Variants in SLC39A10 observed in about 807,000 individuals in gnomAD.
SLC39A10 encodes zinc transporter ZIP10.
A neutral mutation model predicts 65.1 loss-of-function variants in SLC39A10; 13 were observed. The observed-to-expected ratio is 0.20, with a 90% CI of 0.13 to 0.32. The LOEUF is 0.32. Among genes scored for constraint, SLC39A10 ranks in the 10% least tolerant of loss-of-function variants. The probability of loss-of-function intolerance (pLI) is 1.00; values close to 1 mark genes in which losing one functional copy is unlikely to be tolerated. For synonymous variants in SLC39A10, 321 were observed against 342.2 expected, an observed-to-expected ratio of 0.94 and a Z score of 0.68; for missense variants, 831 against 1,018.4, an observed-to-expected ratio of 0.82 and a Z score of 2.50.
intron 1 of SLC39A10, among the ~76,000 whole-genome samples, chr2:195,678,356 C>T (rs1690172818): frequency 2.6e-5 from 4 of 152,074 alleles, no homozygotes; most frequent in Admixed American, 2.6e-4. Context: ...AATTTGGTTT[C>T]CTGAAGACTT....
At chr2:195,616,878 C>T (rs1688224730) in intron 2 of SLC39A10, among the ~76,000 whole-genome samples, 1 of 152,204 alleles carries the variant, frequency 6.6e-6, no homozygotes, top group African/African-American at 2.4e-5. Context: ...TCTAGGATTA[C>T]AGGCGGGAGC....
chr2:195,695,557 A>T (rs979901780), intron 3 of SLC39A10, among the ~76,000 whole-genome samples: 2 of 152,098 alleles, frequency 1.3e-5, no homozygotes, highest in Non-Finnish European at 2.9e-5. Flanking sequence ...AAGTGGACTC[A>T]CAGTTTTTTT....
chr2:195,720,420 A>T (rs930520181), intron 8 of SLC39A10, among the ~76,000 whole-genome samples: 1 of 152,238 alleles, frequency 6.6e-6, no homozygotes, highest in Non-Finnish European at 1.5e-5. Context: ...GGAAATGGAG[A>T]TGGCATTAAT....
At chr2:195,710,315 T>C (rs1691561801) in intron 5 of SLC39A10, among the ~76,000 whole-genome samples, 1 of 152,242 alleles carries the variant, frequency 6.6e-6, no homozygotes, top group Non-Finnish European at 1.5e-5. Context: ...ATCTTCAGTA[T>C]ATTCTGTTTA....
At chr2:195,717,823 G>C (rs1691875303) in intron 7 of SLC39A10, among the ~76,000 whole-genome samples, 1 of 152,104 alleles carries the variant, frequency 6.6e-6, no homozygotes, top group Non-Finnish European at 1.5e-5. Flanking sequence ...GTAATACTTT[G>C]TGCCATTTAT....
chr2:195,715,258 T>C (rs1574305307), intron 6 of SLC39A10, among the ~76,000 whole-genome samples: 1 of 151,960 alleles, frequency 6.6e-6, no homozygotes, highest in Non-Finnish European at 1.5e-5. Flanking sequence ...CTGGGTGCGG[T>C]GGCTCACGCC....
At chr2:195,684,638 T>C (rs567192141) in intron 3 of SLC39A10, among the ~76,000 whole-genome samples, 25 of 152,200 alleles carry the variant, frequency 1.6e-4, no homozygotes, top group Admixed American at 5.2e-4. Flanking sequence ...TTCCTTTTTT[T>C]CCCATTCTAT....
At chr2:195,614,459 T>G (rs948029697) in intron 2 of SLC39A10, among the ~76,000 whole-genome samples, 3 of 152,194 alleles carry the variant, frequency 2.0e-5, no homozygotes, top group Non-Finnish European at 4.4e-5. Flanking sequence ...TCCTGTACAT[T>G]TTGCTTAAGG....
chr2:195,658,780 C>T (rs1020892119), intron 1 of SLC39A10, among the ~76,000 whole-genome samples: 6 of 151,510 alleles, frequency 4.0e-5, no homozygotes, highest in African/African-American at 1.4e-4. Flanking sequence ...TCTGCAGACA[C>T]TGGTTACTCC....
Position 195,616,146 on chromosome 2 carries a change from G to T in SLC39A10, c.-12+9913G>T, listed in dbSNP as rs373638099. Among the ~76,000 whole-genome samples, 6 of 152,094 alleles carry T rather than the reference G, an allele frequency of 3.9e-5. No homozygotes were observed. The South Asian group carries it at 1.2e-3, about 32-fold the overall frequency. On this transcript the variant is annotated intron_variant, in intron 2 of 2. Coordinates refer to the SLC39A10 transcript ENST00000458054. The stretch of plus-strand genomic sequence containing the variant: ...ATTTTTGTATTTTCAGTAGAGACGG[G>T]TTTTCACCATGTTGGCCAGGTTGGC...
intron 8 of SLC39A10, among the ~76,000 whole-genome samples, chr2:195,723,220 A>G (rs1692113641): frequency 6.6e-6 from 1 of 152,176 alleles, no homozygotes; most frequent in Admixed American, 6.5e-5. Context: ...TGGTGTGGTA[A>G]TGGGTTAAAT....
upstream of SLC39A10, among the ~76,000 whole-genome samples, chr2:195,654,181 C>T (rs760290503): frequency 6.6e-6 from 1 of 152,104 alleles, no homozygotes; most frequent in Non-Finnish European, 1.5e-5. Flanking sequence ...TCAGGTGATC[C>T]GCCCACCTCA....
chr2:195,680,713 C>A lies in SLC39A10; in HGVS notation c.671C>A (p.Ser224Tyr). ...GAGACCAATAAAACCCAGGAACAATCTGATGTTAAACTACCGAAAGGAAAG... is the reference window on the plus strand; with the variant it reads ...GAGACCAATAAAACCCAGGAACAATATGATGTTAAACTACCGAAAGGAAAG... Reference protein sequence around the residue: ...STETNKTQEQSDVKLPKGKRK... With the variant: ...STETNKTQEQYDVKLPKGKRK... The change falls in exon 2 of 10, where the codon TCT (serine) becomes TAT (tyrosine). Residue 224 changes from serine (S) to tyrosine (Y), a missense_variant. This residue lies in a region of SLC39A10 where 446 missense variants were observed against 499.2 expected (regional missense o/e 0.89). Coordinates refer to ENST00000359634, the MANE Select transcript of SLC39A10 (RefSeq NM_020342.3). 1 of 1,614,020 alleles carries A rather than the reference C, an allele frequency of 6.2e-7. No individual in the cohort carries two copies. The highest frequency in any genetic ancestry group is 8.5e-7 in the Non-Finnish European group (1 of 1,180,016).
chr2:195,729,643 A>C (rs990507300), intron 9 of SLC39A10, among the ~76,000 whole-genome samples: 1 of 151,934 alleles, frequency 6.6e-6, no homozygotes, highest in African/African-American at 2.4e-5. Context: ...TCTCTTTCCC[A>C]CACCATTTCC....
chr2:195,672,249 G>A (rs1387714975), intron 1 of SLC39A10, among the ~76,000 whole-genome samples: 1 of 151,942 alleles, frequency 6.6e-6, no homozygotes, highest in African/African-American at 2.4e-5. Flanking sequence ...TCCCACCTTA[G>A]CCTGTTAAGT....
intron 1 of SLC39A10, among the ~76,000 whole-genome samples, chr2:195,669,420 T>C (rs10497764): frequency 0.082 from 12,473 of 152,284 alleles, 677 homozygotes; most frequent in Middle Eastern, 0.19. Context: ...CTTAATCACG[T>C]TAGATACCTT....
Position 195,662,409 on chromosome 2 carries a change from C to T in SLC39A10, c.-12+5128C>T, listed in dbSNP as rs1308445995. ...TCATCCTTCCTAGTAGCTGGGAATA[C>T]GGGAGCGTGTGCCACCATGCCTAGC... is the stretch of plus-strand genomic sequence containing the variant. On this transcript the variant is annotated intron_variant, in intron 1 of 9. Coordinates refer to ENST00000359634, the MANE Select transcript of SLC39A10 (RefSeq NM_020342.3). Among the ~76,000 whole-genome samples, 5 of 151,714 alleles carry T rather than the reference C, an allele frequency of 3.3e-5. No homozygotes were observed. In the East Asian group the frequency reaches 5.8e-4, roughly 18 times the overall value.
At chr2:195,733,246 C>T (rs1692482982) in intron 9 of SLC39A10, among the ~76,000 whole-genome samples, 2 of 152,112 alleles carry the variant, frequency 1.3e-5, no homozygotes, top group South Asian at 4.1e-4. Context: ...CGTAGTGTCC[C>T]AGAGGGTAGC....
intron 1 of SLC39A10, among the ~76,000 whole-genome samples, chr2:195,671,115 C>T (rs1318386323): frequency 6.6e-6 from 1 of 152,176 alleles, no homozygotes; most frequent in Non-Finnish European, 1.5e-5. Flanking sequence ...AATCACTTCA[C>T]TACATATTTA....
Sources: gnomAD v4.1 joint callset for allele counts (sites outside exome capture counted in the v4.1 genomes callset) on GRCh38, gnomAD v4.1.1 for gene constraint, gnomAD v4.1.1 regional missense constraint, MANE v1.5 for transcripts, NCBI Gene and HGNC (gene_info 2026-07-23, HGNC 2026-07-21) for gene names.